Variants in ARHGAP22 observed in about 807,000 individuals in gnomAD.
The protein encoded by ARHGAP22 is rho GTPase-activating protein 22.
In ARHGAP22, 48 loss-of-function variants were observed where a neutral mutation model predicts 59.1. The ratio of observed to expected loss-of-function variants is 0.81; its 90% confidence interval spans 0.64 to 1.03. ARHGAP22 has a LOEUF of 1.03. Among genes scored for constraint, ARHGAP22 ranks in the 50% least tolerant of loss-of-function variants. The pLI, the probability that ARHGAP22 is intolerant of heterozygous loss-of-function variation, is 0.00. For missense variants in ARHGAP22, 1,015 were observed against 958.7 expected, an observed-to-expected ratio of 1.06 and a Z score of -0.78; for synonymous variants, 445 against 416.4, an observed-to-expected ratio of 1.07 and a Z score of -0.84.
At chr10:48,605,330 A>AC (rs111746464), upstream of ARHGAP22, among the ~76,000 whole-genome samples, 1,025 of 91,272 alleles carry the variant, frequency 0.011, 5 homozygotes, top group African/African-American at 0.025. Context: ...GGTAGCCGAG[A>AC]CCCCCCCCCC....
chr10:48,493,472 T>C (rs1161630887), intron 3 of ARHGAP22: 2 of 1,536,038 alleles, frequency 1.3e-6, no homozygotes, highest in Admixed American at 3.9e-5. Context: ...TTCAGACACC[T>C]GATGGGCCAG....
chr10:48,643,985 T>C (rs2062181610), intron 1 of ARHGAP22, among the ~76,000 whole-genome samples: 1 of 151,896 alleles, frequency 6.6e-6, no homozygotes. Flanking sequence ...CCATCTCTAC[T>C]AAAAATACAA....
At chr10:48,472,132 G>C (rs1425923443) in intron 4 of ARHGAP22, among the ~76,000 whole-genome samples, 1 of 149,620 alleles carries the variant, frequency 6.7e-6, no homozygotes, top group Non-Finnish European at 1.5e-5. Flanking sequence ...GCTTGAACCC[G>C]GGGGGGAAGA....
intron 1 of ARHGAP22, among the ~76,000 whole-genome samples, chr10:48,639,933 T>C (rs993411815): frequency 1.3e-5 from 2 of 152,186 alleles, no homozygotes; most frequent in African/African-American, 4.8e-5. Context: ...ATTGTAAATA[T>C]GTTTACAAAA....
intron 3 of ARHGAP22, among the ~76,000 whole-genome samples, chr10:48,534,395 A>T (rs2055156076): frequency 1.3e-5 from 2 of 149,716 alleles, no homozygotes; most frequent in South Asian, 4.3e-4. Flanking sequence ...TTCCTCCCCC[A>T]CCCCCAGGAG....
chr10:48,624,743 A>T (rs970421872), intron 1 of ARHGAP22, among the ~76,000 whole-genome samples: 9 of 152,272 alleles, frequency 5.9e-5, no homozygotes, highest in African/African-American at 2.2e-4. Flanking sequence ...ATAAGTTCTC[A>T]TGCCACGAGG....
intron 2 of ARHGAP22, among the ~76,000 whole-genome samples, chr10:48,582,284 T>TTC (rs2059163924): frequency 6.6e-6 from 1 of 152,190 alleles, no homozygotes; most frequent in Admixed American, 6.5e-5. Context: ...GAGATACCCT[T>TTC]TCTCTCTCTG....
intron 3 of ARHGAP22, among the ~76,000 whole-genome samples, chr10:48,544,666 A>C (rs985583493): frequency 6.6e-6 from 1 of 152,248 alleles, no homozygotes; most frequent in Non-Finnish European, 1.5e-5. Context: ...CTACTTTTCA[A>C]TCATACATTT....
rs547606692 is a variant in ARHGAP22 at position 48,570,861 on chromosome 10, C to T, written c.234+12092G>A. On this transcript the variant is annotated intron_variant, in intron 2 of 9. Coordinates refer to ENST00000249601, the MANE Select transcript of ARHGAP22 (RefSeq NM_021226.4). Reference sequence around the variant, plus strand: ...TGGCCCAATAGTGGAGCCAGGGTTCCAAACGCTCTGCACGAAACGGCCATT... The same window carrying T: ...TGGCCCAATAGTGGAGCCAGGGTTCTAAACGCTCTGCACGAAACGGCCATT... 1.7e-4 allele frequency among the ~76,000 whole-genome samples: 26 copies of T among 152,338 alleles called. No homozygotes were observed. The East Asian group carries it at 4.2e-3, about 25-fold the overall frequency.
At chr10:48,430,948 A>G in the ARHGAP22 span, 7 of 513,734 alleles carry the variant, frequency 1.4e-5, no homozygotes, top group Non-Finnish European at 2.1e-5. Flanking sequence ...CTATCAAACC[A>G]ACTTCAGAAA....
intron 4 of ARHGAP22, among the ~76,000 whole-genome samples, chr10:48,474,253 C>T (rs1405204899): frequency 6.6e-6 from 1 of 152,018 alleles, no homozygotes; most frequent in South Asian, 2.1e-4. Context: ...TCAGTTTGTT[C>T]ATGGCTACTG....
intron 1 of ARHGAP22, among the ~76,000 whole-genome samples, chr10:48,598,080 T>C (rs1226629838): frequency 6.6e-6 from 1 of 152,226 alleles, no homozygotes; most frequent in Non-Finnish European, 1.5e-5. Context: ...TTGGAGCTGC[T>C]CCAGCCCAGC....
In ARHGAP22 at chr10:48,522,025, G is replaced by A. The variant is rs78067291; in HGVS notation, c.322+33438C>T. ...AATGGTTCAGACTGTCCGCCACCCA[G>A]CCAGACTGGCCACATGGGTTCAAAT... On this transcript the variant is annotated intron_variant, in intron 3 of 9. Transcript: ENST00000249601. 4.1e-3 allele frequency among the ~76,000 whole-genome samples: 627 copies of A among 152,342 alleles called. 6 individuals are homozygous for A. The highest frequency in any genetic ancestry group is 0.015 in the African/African-American group (606 of 41,566).
intron 3 of ARHGAP22, among the ~76,000 whole-genome samples, chr10:48,530,168 CGGA>C (rs1447108186): frequency 7.6e-6 from 1 of 130,834 alleles, no homozygotes; most frequent in East Asian, 2.7e-4. Flanking sequence ...ACCCAGGAGG[CGGA>C]GGTTTCAGTG....
chr10:48,451,652 G>GCCCA, intron 8 of ARHGAP22: 1 of 562,868 alleles, frequency 1.8e-6, no homozygotes, highest in Non-Finnish European at 3.1e-6. Flanking sequence ...AATGCACCCC[G>GCCCA]CCCACCCCCT....
chr10:48,576,025 GC>G (rs2058692101), intron 2 of ARHGAP22, among the ~76,000 whole-genome samples: 1 of 152,208 alleles, frequency 6.6e-6, no homozygotes, highest in Non-Finnish European at 1.5e-5. Flanking sequence ...CCCTATCGCA[GC>G]CCACGAAGTG....
intron 1 of ARHGAP22, among the ~76,000 whole-genome samples, chr10:48,627,076 T>G (rs1011769243): frequency 2.6e-5 from 4 of 152,188 alleles, no homozygotes; most frequent in African/African-American, 9.7e-5. Flanking sequence ...GGTGAACACA[T>G]GGAGGTTCTG....
intron 2 of ARHGAP22, among the ~76,000 whole-genome samples, chr10:48,566,427 C>A (rs1278047170): frequency 6.6e-6 from 1 of 152,150 alleles, no homozygotes; most frequent in Admixed American, 6.5e-5. Flanking sequence ...AACCATGCCC[C>A]ATGACTGTCC....
At chr10:48,486,110 C>T (rs988238263) in intron 3 of ARHGAP22, among the ~76,000 whole-genome samples, 4 of 152,088 alleles carry the variant, frequency 2.6e-5, no homozygotes, top group African/African-American at 9.6e-5. Flanking sequence ...ATCTCACTCT[C>T]TTCATGCTGT....
Sources: gnomAD v4.1 joint callset for allele counts (sites outside exome capture counted in the v4.1 genomes callset) on GRCh38, gnomAD v4.1.1 for gene constraint, MANE v1.5 for transcripts, NCBI Gene and HGNC (gene_info 2026-07-23, HGNC 2026-07-21) for gene names.